TTC28: variants seen among roughly 807,000 people sequenced by gnomAD.
The protein encoded by TTC28 is tetratricopeptide repeat protein 28.
A neutral mutation model predicts 198.0 loss-of-function variants in TTC28; 61 were observed. The ratio of observed to expected loss-of-function variants is 0.31; its 90% CI spans 0.25 to 0.38. TTC28 has a LOEUF of 0.38. Ranked by LOEUF, TTC28 falls within the 10% of genes least tolerant of loss-of-function variation. The probability of loss-of-function intolerance (pLI) is 1.00; values close to 1 mark genes in which losing one functional copy is unlikely to be tolerated. For synonymous variants in TTC28, 1,171 were observed against 1,297.8 expected (o/e 0.90, Z 2.10); for missense variants, 2,678 against 3,164.0 (o/e 0.85, Z 3.69).
At chr22:28,306,417 G>A (rs1264705679) in intron 3 of TTC28, 79 bp downstream of exon 3, 1 of 1,448,518 alleles carries the variant, frequency 6.9e-7, no homozygotes, top group Non-Finnish European at 9.3e-7. Context: ...AATTCTCTGT[G>A]CCTGAGCCTA....
At chr22:28,523,212 G>A (rs9620804) in intron 2 of TTC28, among the ~76,000 whole-genome samples, 15,100 of 152,164 alleles carry the variant, frequency 0.099, 857 homozygotes, top group African/African-American at 0.12. Context: ...AGCTACATCA[G>A]TATCAAACTT....
chr22:28,559,495 T>C (rs1233628499), intron 2 of TTC28, among the ~76,000 whole-genome samples: 1 of 152,184 alleles, frequency 6.6e-6, no homozygotes, highest in Non-Finnish European at 1.5e-5. Flanking sequence ...GCTGAATTTA[T>C]CTACCACACT....
intron 17 of TTC28, 78 bp from the exon 18 acceptor site, chr22:27,993,596 G>A: frequency 7.1e-7 from 1 of 1,400,118 alleles, no homozygotes; most frequent in South Asian, 1.4e-5. Context: ...GGTACACAAA[G>A]CCCCAGGGTG....
At chr22:28,181,033 T>TG (rs1923643583) in intron 5 of TTC28, among the ~76,000 whole-genome samples, 1 of 152,170 alleles carries the variant, frequency 6.6e-6, no homozygotes, top group African/African-American at 2.4e-5. Context: ...TGGGAATAGT[T>TG]GGTTTTATTC....
chr22:28,058,519 T>G (rs763186134), intron 12 of TTC28, among the ~76,000 whole-genome samples: 1 of 152,148 alleles, frequency 6.6e-6, no homozygotes, highest in Non-Finnish European at 1.5e-5. Flanking sequence ...ATATTTGATT[T>G]GCTAATGTTT....
intron 12 of TTC28, among the ~76,000 whole-genome samples, chr22:28,066,118 C>T (rs898791569): frequency 1.5e-4 from 23 of 152,042 alleles, no homozygotes; most frequent in African/African-American, 9.7e-5. Flanking sequence ...ACAGAGATAT[C>T]TCTATTTTTT....
chr22:27,990,896 AGCTGAT>A, intron 19 of TTC28, 84 bp from the exon 20 acceptor site: 1 of 1,388,930 alleles, frequency 7.2e-7, no homozygotes, highest in Non-Finnish European at 9.8e-7. Flanking sequence ...ATGCAACATG[AGCTGAT>A]CACTGTTTAG....
chr22:28,400,001 C>T (rs2046879049), intron 2 of TTC28, among the ~76,000 whole-genome samples: 1 of 152,220 alleles, frequency 6.6e-6, no homozygotes, highest in East Asian at 1.9e-4. Context: ...GAAAGATCAG[C>T]ACTGTATGTA....
intron 17 of TTC28, 137 bp downstream of exon 17, chr22:27,995,998 C>T: frequency 7.6e-7 from 1 of 1,323,380 alleles, no homozygotes; most frequent in Non-Finnish European, 1.0e-6. Context: ...GGAAGCCGGT[C>T]AGTGCCATCC....
At chr22:28,521,305 G>A (rs1712290764) in intron 2 of TTC28, among the ~76,000 whole-genome samples, 1 of 151,964 alleles carries the variant, frequency 6.6e-6, no homozygotes, top group Non-Finnish European at 1.5e-5. Context: ...CTATTAGGAG[G>A]CCAAGGCGAG....
intron 1 of TTC28, among the ~76,000 whole-genome samples, chr22:28,652,664 C>T (rs1381673262): frequency 6.6e-6 from 1 of 152,122 alleles, no homozygotes; most frequent in East Asian, 1.9e-4. Context: ...GTTTTTATTG[C>T]AAAGCTTTGA....
rs58235209 is a variant in TTC28 at position 28,537,293 on chromosome 22, AAAAATAAAATAAAATAAAAT to A, written c.381+92239_381+92258del. ...GGGCGACAGAGCCAGACTCCGTCTC[AAAAATAAAATAAAATAAAAT>A]AAAATAAAATAAAATAAAATAAAAT... On this transcript the variant is annotated intron_variant, in intron 2 of 22. Coordinates refer to ENST00000397906, the MANE Select transcript of TTC28 (RefSeq NM_001145418.2). Among the ~76,000 whole-genome samples the A allele has an allele frequency of 2.9e-4, 32 of 110,320 alleles. 2 individuals carry two copies. Among genetic ancestry groups the A allele is most frequent in the East Asian group, 5.4e-4 (2 of 3,682 alleles). The allele number at this position is 110,320 out of a possible 152,430, so 72.4% of individuals were successfully genotyped here.
chr22:28,647,615 A>C (rs1181485170), intron 1 of TTC28, among the ~76,000 whole-genome samples: 2 of 150,704 alleles, frequency 1.3e-5, no homozygotes, highest in Admixed American at 1.3e-4. Context: ...CAAGGTGGGC[A>C]GATCATGAGG....
At chr22:28,147,124 A>G (rs1943487197) in intron 6 of TTC28, among the ~76,000 whole-genome samples, 1 of 152,244 alleles carries the variant, frequency 6.6e-6, no homozygotes, top group African/African-American at 2.4e-5. Flanking sequence ...GTTGCATTCC[A>G]GCTTTCATCT....
chr22:28,366,251 CATA>C (rs1433610645), intron 2 of TTC28, among the ~76,000 whole-genome samples: 4 of 152,136 alleles, frequency 2.6e-5, no homozygotes, highest in African/African-American at 9.7e-5. Context: ...TCCTATAGCC[CATA>C]TGACATTCTG....
chr22:27,985,154 TTTC>T lies in TTC28; in HGVS notation c.5815+92_5815+94del, dbSNP rs1230906242. Reference sequence around the variant, plus strand: ...CATACACAAAAAATGTTGATTCACTTTTCTTCTGCTTCCCAAAATGTATGTGCT... The same window carrying T: ...CATACACAAAAAATGTTGATTCACTTTTCTGCTTCCCAAAATGTATGTGCT... On this transcript the variant is annotated intron_variant, in intron 22 of 22. Coordinates refer to ENST00000397906, the MANE Select transcript of TTC28 (RefSeq NM_001145418.2). The T allele has an allele frequency of 2.2e-5, 20 of 919,774 alleles. No individual in the cohort carries two copies. The East Asian group carries it at 5.2e-4, about 24-fold the overall frequency. 57.0% of individuals were successfully genotyped at this position (919,774 alleles called of 1,614,324 possible).
chr22:28,156,429 T>C (rs1943750095), intron 6 of TTC28, among the ~76,000 whole-genome samples: 1 of 152,212 alleles, frequency 6.6e-6, no homozygotes, highest in Non-Finnish European at 1.5e-5. Context: ...ATATCTTGAC[T>C]TTAGCCCAGC....
At chr22:28,076,046 G>A (rs1569123150) in intron 12 of TTC28, among the ~76,000 whole-genome samples, 1 of 152,184 alleles carries the variant, frequency 6.6e-6, no homozygotes, top group Non-Finnish European at 1.5e-5. Flanking sequence ...ATTTTAGAAT[G>A]AAATTGGAAA....
In TTC28 at chr22:28,293,545, T is replaced by C. The variant is rs576141522; in HGVS notation, c.933+2653A>G. 2.2e-4 allele frequency among the ~76,000 whole-genome samples: 33 copies of C among 152,144 alleles called. No homozygotes were observed. In the South Asian group the frequency reaches 6.6e-3, roughly 31 times the overall value. Reference sequence around the variant, plus strand: ...ATGTAGGATAAATAAGTTCTAGAGCTCTAATGTATACCAGAAAGCTACAGT... The same window carrying C: ...ATGTAGGATAAATAAGTTCTAGAGCCCTAATGTATACCAGAAAGCTACAGT... On this transcript the variant is annotated intron_variant, in intron 5 of 22. Transcript: ENST00000397906.
Sources: gnomAD v4.1 joint callset for allele counts (sites outside exome capture counted in the v4.1 genomes callset) on GRCh38, gnomAD v4.1.1 for gene constraint, MANE v1.5 for transcripts, NCBI Gene and HGNC (gene_info 2026-07-23, HGNC 2026-07-21) for gene names.